The following ADCY10 variants were observed in gnomAD, a reference collection of about 807,000 sequenced individuals.
The protein encoded by ADCY10 is adenylate cyclase 10.
ADCY10 carries 156 observed loss-of-function variants against 183.3 expected under a neutral mutation model. The observed-to-expected ratio is 0.85, with a 90% CI of 0.75 to 0.97. ADCY10 has a LOEUF of 0.97. Among genes scored for constraint, ADCY10 ranks in the 50% least tolerant of loss-of-function variants. The pLI is 0.00. For synonymous variants in ADCY10, 645 were observed against 670.0 expected, an observed-to-expected ratio of 0.96 and a Z score of 0.58; for missense variants, 1,745 against 1,934.3, an observed-to-expected ratio of 0.90 and a Z score of 1.84.
At chr1:167,831,163 C>T (rs763364784) in intron 25 of ADCY10, among the ~76,000 whole-genome samples, 1 of 151,950 alleles carries the variant, frequency 6.6e-6, no homozygotes, top group Non-Finnish European at 1.5e-5. Context: ...TTTAAAGGTT[C>T]TTAGGAAACA....
intron 8 of ADCY10, among the ~76,000 whole-genome samples, chr1:167,885,781 A>AT (rs1558233837): frequency 6.6e-6 from 1 of 151,778 alleles, no homozygotes; most frequent in Admixed American, 6.6e-5. Context: ...CGCCCAGCTA[A>AT]TTTTTTGTAT....
intron 1 of ADCY10, among the ~76,000 whole-genome samples, chr1:167,909,363 A>C (rs1433991715): frequency 1.3e-5 from 2 of 152,094 alleles, no homozygotes; most frequent in African/African-American, 4.8e-5. Context: ...TGTTTTGGTG[A>C]AAAGATGTAT....
intron 29 of ADCY10, among the ~76,000 whole-genome samples, 161 bp from the exon 30 acceptor site, chr1:167,822,302 T>A (rs1662963317): frequency 6.6e-6 from 1 of 152,196 alleles, no homozygotes; most frequent in South Asian, 2.1e-4. Context: ...ATGACTGGAT[T>A]GCCCTGTGTT....
At chr1:167,888,502 CTTTAT>C (rs1668377788) in intron 8 of ADCY10, among the ~76,000 whole-genome samples, 1 of 151,676 alleles carries the variant, frequency 6.6e-6, no homozygotes, top group South Asian at 2.1e-4. Context: ...TTACTAGGTA[CTTTAT>C]TTTATTTTTA....
chr1:167,875,013 A>G, intron 13 of ADCY10, 118 bp downstream of exon 13: 2 of 895,422 alleles, frequency 2.2e-6, no homozygotes, highest in East Asian at 2.5e-5. Context: ...AACCTGGATG[A>G]TGATTATATT....
chr1:167,850,198 C>A (rs988139304), intron 18 of ADCY10, among the ~76,000 whole-genome samples: 7 of 151,868 alleles, frequency 4.6e-5, no homozygotes, highest in Non-Finnish European at 1.0e-4. Context: ...ATGGATAGAA[C>A]CAGGCAAGTG....
At chr1:167,871,994 T>C (rs1257127524) in intron 13 of ADCY10, among the ~76,000 whole-genome samples, 2 of 152,158 alleles carry the variant, frequency 1.3e-5, no homozygotes, top group Admixed American at 6.5e-5. Context: ...ACGTTGTGCA[T>C]TGTGTACCCT....
intron 14 of ADCY10, among the ~76,000 whole-genome samples, chr1:167,861,780 C>T (rs1018903901): frequency 6.6e-6 from 1 of 152,148 alleles, no homozygotes; most frequent in Non-Finnish European, 1.5e-5. Context: ...AATCTCATCC[C>T]GTATTGCAAC....
At chr1:167,900,676 G>C (rs961615933) in intron 5 of ADCY10, among the ~76,000 whole-genome samples, 2 of 152,058 alleles carry the variant, frequency 1.3e-5, no homozygotes, top group African/African-American at 4.8e-5. Flanking sequence ...GAGATTACAG[G>C]CACCCGCCAT....
intron 7 of ADCY10, among the ~76,000 whole-genome samples, chr1:167,895,461 A>G (rs1668903392): frequency 6.6e-6 from 1 of 152,108 alleles, no homozygotes; most frequent in Admixed American, 6.6e-5. Flanking sequence ...AATACTCCAG[A>G]CCTGTACATA....
Position 167,899,638 on chromosome 1 carries a change from A to G in ADCY10, c.437-10T>C, listed in dbSNP as rs764344062. On this transcript the variant is annotated splice_polypyrimidine_tract_variant and intron_variant, in intron 5 of 32. Coordinates refer to ENST00000367851, the MANE Select transcript of ADCY10 (RefSeq NM_018417.6). ...TGGCCAGCAGCCAGTCCTGGCAAGAAGGCAAGGAATAGGTTTGCACAAGAA... is the reference window on the plus strand; with the variant it reads ...TGGCCAGCAGCCAGTCCTGGCAAGAGGGCAAGGAATAGGTTTGCACAAGAA... 3 of 1,613,358 alleles carry G rather than the reference A, an allele frequency of 1.9e-6. No individual in the cohort carries two copies. The Admixed American group carries it at 5.0e-5, about 27-fold the overall frequency.
At chr1:167,820,924 G>A (rs1256906812) in intron 30 of ADCY10, 1 of 152,264 alleles carries the variant, frequency 6.6e-6, no homozygotes, top group African/African-American at 2.4e-5. Flanking sequence ...GGGTGACACA[G>A]CAAGACTGTC....
At position 167,835,572 on chromosome 1, in the gene ADCY10, G is replaced by A. The variant is rs73039556; in HGVS notation, c.3309+737C>T. 2.5e-3 allele frequency among the ~76,000 whole-genome samples: 386 copies of A among 152,266 alleles called. 2 individuals carry two copies. Among genetic ancestry groups the A allele is most frequent in the African/African-American group, 8.8e-3 (365 of 41,560 alleles). On this transcript the variant is annotated intron_variant, in intron 23 of 32. Transcript: ENST00000367851. ...TTGCATGATGACAAAGGCAGGGAGA[G>A]CCTCTTTGGGGATCACAATATTAAA... is the stretch of plus-strand genomic sequence containing the variant.
intron 7 of ADCY10, among the ~76,000 whole-genome samples, chr1:167,894,645 T>C (rs1420979688): frequency 6.6e-6 from 1 of 152,098 alleles, no homozygotes; most frequent in Non-Finnish European, 1.5e-5. Flanking sequence ...GTGTTTAATT[T>C]GGCTGGTCCT....
chr1:167,824,338 G>A, intron 28 of ADCY10, 138 bp downstream of exon 28: 1 of 786,054 alleles, frequency 1.3e-6, no homozygotes, highest in Non-Finnish European at 2.3e-6. Context: ...AGAAAAAAGG[G>A]TGACTACTAT....
intron 8 of ADCY10, among the ~76,000 whole-genome samples, chr1:167,887,102 T>C (rs1167571311): frequency 1.3e-5 from 2 of 152,198 alleles, no homozygotes; most frequent in African/African-American, 4.8e-5. Flanking sequence ...TTGGTGGGAC[T>C]GTAAACTAGT....
rs766060956 is a variant in ADCY10 at position 167,893,962 on chromosome 1, T to G, written c.740-21A>C. 1.3e-5 allele frequency: 21 copies of G among 1,594,600 alleles called. 1 individual carries two copies. In the South Asian group the frequency reaches 2.3e-4, roughly 18 times the overall value. ...GAGGTCTAAGAAGGCAGAAGGAGGGTGCAGGCTCAGAGAGGGAAGTTTGGC... is the reference window on the plus strand; with the variant it reads ...GAGGTCTAAGAAGGCAGAAGGAGGGGGCAGGCTCAGAGAGGGAAGTTTGGC... On this transcript the variant is annotated intron_variant, in intron 7 of 32. Transcript: ENST00000367851.
At chr1:167,901,541 T>C (rs1234720404) in intron 5 of ADCY10, 121 bp downstream of exon 5, 2 of 1,025,782 alleles carry the variant, frequency 1.9e-6, no homozygotes, top group African/African-American at 3.1e-5. Flanking sequence ...GATGCCAAAG[T>C]TCAGGGCATC....
intron 7 of ADCY10, 45 bp downstream of exon 7, chr1:167,896,550 G>T: frequency 1.4e-6 from 2 of 1,457,678 alleles, no homozygotes; most frequent in South Asian, 2.3e-5. Flanking sequence ...AGACCCTACT[G>T]ACCACTGGTA....
Sources: gnomAD v4.1 joint callset for allele counts (sites outside exome capture counted in the v4.1 genomes callset) on GRCh38, gnomAD v4.1.1 for gene constraint, MANE v1.5 for transcripts, NCBI Gene and HGNC (gene_info 2026-07-23, HGNC 2026-07-21) for gene names.